The following MYO1B variants were observed in gnomAD, a reference collection of about 807,000 sequenced individuals.
MYO1B encodes myosin IB.
Under a neutral mutation model 159.7 loss-of-function variants are expected in MYO1B, and 72 were observed. That is an observed-to-expected ratio of 0.45 (90% confidence interval 0.37 to 0.55). The LOEUF is 0.55. Ranked by LOEUF, MYO1B falls within the 20% of genes least tolerant of loss-of-function variation. The pLI is 0.00. For missense variants in MYO1B, 1,062 were observed against 1,364.8 expected (o/e 0.78, Z 3.50); for synonymous variants, 468 against 473.8 (o/e 0.99, Z 0.16).
intron 3 of MYO1B, among the ~76,000 whole-genome samples, chr2:191,301,888 A>G (rs947607290): frequency 6.6e-6 from 1 of 152,218 alleles, no homozygotes; most frequent in Non-Finnish European, 1.5e-5. Flanking sequence ...TTCTAAAATC[A>G]GATCATGTTA....
At chr2:191,295,853 C>T (rs144714444) in intron 2 of MYO1B, among the ~76,000 whole-genome samples, 4 of 151,878 alleles carry the variant, frequency 2.6e-5, no homozygotes, top group African/African-American at 7.2e-5. Flanking sequence ...TACCGAGAAC[C>T]GTAAATTAGT....
chr2:191,255,514 A>G (rs982877944), intron 1 of MYO1B, among the ~76,000 whole-genome samples: 1 of 152,200 alleles, frequency 6.6e-6, no homozygotes, highest in Admixed American at 6.5e-5. Context: ...TTTGTAGGCA[A>G]TAAAAAGAGG....
At chr2:191,299,724 G>C (rs973701922) in intron 3 of MYO1B, among the ~76,000 whole-genome samples, 1 of 152,170 alleles carries the variant, frequency 6.6e-6, no homozygotes, top group African/African-American at 2.4e-5. Flanking sequence ...CCATTTACAA[G>C]CTATATAATC....
intron 3 of MYO1B, among the ~76,000 whole-genome samples, chr2:191,319,010 G>T (rs1421756172): frequency 6.6e-6 from 1 of 152,108 alleles, no homozygotes; most frequent in East Asian, 1.9e-4. Context: ...GATGAGGGAG[G>T]GAGTGGCCTC....
chr2:191,424,047 G>A lies in MYO1B; in HGVS notation c.*87G>A. The stretch of plus-strand genomic sequence containing the variant: ...TTTATTTGGGGTTCATTGTATGTTT[G>A]GGAATCACCAAAGGCTTTTAGAGTT... On this transcript the variant is annotated 3_prime_UTR_variant, in exon 31 of 31. Coordinates refer to ENST00000392318, the MANE Select transcript of MYO1B (RefSeq NM_001130158.3). 5 of 1,437,434 alleles carry A rather than the reference G, an allele frequency of 3.5e-6. No homozygotes were observed. Among genetic ancestry groups the A allele is most frequent in the South Asian group, 3.0e-5 (2 of 67,026 alleles). The allele number at this position is 1,437,434 out of a possible 1,614,324, so 89.0% of individuals were successfully genotyped here.
rs1338655605 is a variant in MYO1B, at chr2:191,408,194, G to A, written c.2631+5G>A. 1 of 1,605,168 alleles carries A rather than the reference G, an allele frequency of 6.2e-7. No individual in the cohort carries two copies. Among genetic ancestry groups the A allele is most frequent in the Non-Finnish European group, 8.5e-7 (1 of 1,172,284 alleles). Reference sequence around the variant, plus strand: ...GAGTTTACGCTTCAGAGAATTGTAAGTTGACACTTTATATCTGTGGATAAT... The same window carrying A: ...GAGTTTACGCTTCAGAGAATTGTAAATTGACACTTTATATCTGTGGATAAT... On this transcript the variant is annotated splice_donor_5th_base_variant and intron_variant, in intron 25 of 30. Coordinates refer to ENST00000392318, the MANE Select transcript of MYO1B (RefSeq NM_001130158.3).
intron 2 of MYO1B, among the ~76,000 whole-genome samples, chr2:191,288,238 T>C (rs1370965611): frequency 2.1e-5 from 1 of 47,676 alleles, no homozygotes; most frequent in Non-Finnish European, 5.0e-5. Flanking sequence ...GAAGATAGCT[T>C]AGCTTAAAAA....
intron 13 of MYO1B, among the ~76,000 whole-genome samples, chr2:191,371,498 GTTATTA>G (rs778254879): frequency 6.6e-6 from 1 of 152,170 alleles, no homozygotes; most frequent in South Asian, 2.1e-4. Context: ...TGAAGTAGCT[GTTATTA>G]TTATGAATTC....
At chr2:191,355,282 G>A (rs1693200065) in intron 7 of MYO1B, among the ~76,000 whole-genome samples, 1 of 152,210 alleles carries the variant, frequency 6.6e-6, no homozygotes, top group Non-Finnish European at 1.5e-5. Context: ...AGCTGGCTCA[G>A]GCCAGAAATA....
chr2:191,330,984 A>C (rs559993663), intron 4 of MYO1B, among the ~76,000 whole-genome samples: 1 of 152,210 alleles, frequency 6.6e-6, no homozygotes, highest in Non-Finnish European at 1.5e-5. Flanking sequence ...CATTTTATTC[A>C]CAAGCTCTTA....
rs199651654 is a variant in MYO1B at position 191,411,055 on chromosome 2, A to T, written c.2767-11A>T. The T allele has an allele frequency of 1.4e-6, 2 of 1,479,554 alleles. No individual in the cohort carries two copies. Among genetic ancestry groups the T allele is most frequent in the Non-Finnish European group, 1.9e-6 (2 of 1,078,042 alleles). The allele number at this position is 1,479,554 out of a possible 1,614,324, so 91.7% of individuals were successfully genotyped here. ...AATGATGTTTTGTTTCTTTCTTCTC[A>T]TATCTCACAGTGTAAAAAATACAGG... On this transcript the variant is annotated splice_polypyrimidine_tract_variant and intron_variant, in intron 26 of 30. Transcript: ENST00000392318.
intron 3 of MYO1B, among the ~76,000 whole-genome samples, chr2:191,321,633 A>G (rs1690720339): frequency 6.6e-6 from 1 of 152,194 alleles, no homozygotes. Flanking sequence ...CAGGGGAAAT[A>G]GCATAATTTC....
intron 3 of MYO1B, among the ~76,000 whole-genome samples, chr2:191,327,354 A>G (rs1024724857): frequency 6.6e-6 from 1 of 152,244 alleles, no homozygotes; most frequent in Non-Finnish European, 1.5e-5. Context: ...AGGGAATAAG[A>G]AGGTGTGTAC....
intron 15 of MYO1B, among the ~76,000 whole-genome samples, chr2:191,383,854 A>G (rs1315999138): frequency 6.6e-6 from 1 of 151,980 alleles, no homozygotes; most frequent in African/African-American, 2.4e-5. Context: ...TCATTCCCAA[A>G]ACTCTAATGA....
rs890593385 is a variant in MYO1B, at chr2:191,424,939, T to C, written c.*979T>C. ...TTTTTTGAAAGTTTTATTTATAATA[T>C]ACATTTTTGTATGAGAAAGGTGATT... On this transcript the variant is annotated 3_prime_UTR_variant, in exon 31 of 31. Coordinates refer to ENST00000392318, the MANE Select transcript of MYO1B (RefSeq NM_001130158.3). 2.0e-5 allele frequency: 3 copies of C among 152,602 alleles called. No homozygotes were observed. Among genetic ancestry groups the C allele is most frequent in the Admixed American group, 6.5e-5 (1 of 15,274 alleles). The allele number at this position is 152,602 out of a possible 1,614,324, so 9.5% of individuals were successfully genotyped here.
chr2:191,247,451 C>G (rs150756675), intron 1 of MYO1B, among the ~76,000 whole-genome samples: 28 of 152,218 alleles, frequency 1.8e-4, no homozygotes, highest in East Asian at 7.7e-4. Context: ...GAGGGTTTGT[C>G]TTTTTCGTGG....
chr2:191,355,725 C>G (rs947215798), intron 7 of MYO1B, among the ~76,000 whole-genome samples: 1 of 152,182 alleles, frequency 6.6e-6, no homozygotes, highest in Non-Finnish European at 1.5e-5. Context: ...TTCTGCAAAT[C>G]TCACTGCTCA....
intron 30 of MYO1B, among the ~76,000 whole-genome samples, chr2:191,419,440 G>T (rs564133430): frequency 1.9e-4 from 29 of 152,016 alleles, no homozygotes; most frequent in African/African-American, 5.6e-4. Flanking sequence ...GGATGGTCTC[G>T]ATCTCCTGAC....
chr2:191,246,614 T>C (rs1685810058), intron 1 of MYO1B, among the ~76,000 whole-genome samples: 3 of 151,262 alleles, frequency 2.0e-5, no homozygotes, highest in African/African-American at 7.3e-5. Flanking sequence ...TTGGTGTGTA[T>C]GTGTGTGCCT....
Sources: allele counts gnomAD v4.1 joint callset (sites outside exome capture counted in the v4.1 genomes callset), GRCh38; gene constraint gnomAD v4.1.1; transcripts MANE v1.5; gene names NCBI Gene and HGNC (gene_info 2026-07-23, HGNC 2026-07-21).